PDE4D: variants seen among roughly 807,000 people sequenced by gnomAD.
The protein encoded by PDE4D is 3',5'-cyclic-AMP phosphodiesterase 4D.
In PDE4D, 24 loss-of-function variants were observed where a neutral mutation model predicts 87.4. The ratio of observed to expected loss-of-function variants is 0.27; its 90% CI spans 0.20 to 0.39. The LOEUF is 0.39. PDE4D is among the 10% of genes least tolerant of loss of function. The probability of loss-of-function intolerance (pLI) is 1.00; values close to 1 mark genes in which losing one functional copy is unlikely to be tolerated. For synonymous variants in PDE4D, 384 were observed against 383.2 expected (o/e 1.00, Z -0.02); for missense variants, 714 against 1,041.0 (o/e 0.69, Z 4.32).
intron 1 of PDE4D, among the ~76,000 whole-genome samples, chr5:59,346,410 A>G (rs1256751300): frequency 1.3e-5 from 2 of 152,128 alleles, no homozygotes; most frequent in Non-Finnish European, 2.9e-5. Context: ...TTTAACCAAC[A>G]TGAGGAAGGC....
chr5:60,116,154 C>A (rs370330509), intron 2 of PDE4D, among the ~76,000 whole-genome samples: 37 of 151,570 alleles, frequency 2.4e-4, no homozygotes, highest in African/African-American at 9.0e-4. Context: ...TAATTCAAGT[C>A]TATGGGAGGG....
At chr5:59,025,237 T>C (rs1755985437) in intron 6 of PDE4D, among the ~76,000 whole-genome samples, 1 of 152,188 alleles carries the variant, frequency 6.6e-6, no homozygotes, top group Non-Finnish European at 1.5e-5. Flanking sequence ...TTGAAATTTA[T>C]TGTCTTCCTA....
chr5:60,188,601 G>A (rs189439031), intron 1 of PDE4D, among the ~76,000 whole-genome samples: 1 of 152,148 alleles, frequency 6.6e-6, no homozygotes, highest in Admixed American at 6.5e-5. Flanking sequence ...GGAGAGTGGA[G>A]ATGGAGGGGA....
intron 1 of PDE4D, among the ~76,000 whole-genome samples, chr5:60,413,728 T>TTTTTG: frequency 6.6e-6 from 1 of 151,768 alleles, no homozygotes; most frequent in Non-Finnish European, 1.5e-5. Context: ...TTTTTTTTTT[T>TTTTTG]TGGAAAAACA....
intron 1 of PDE4D, among the ~76,000 whole-genome samples, chr5:59,349,855 T>C (rs1286208121): frequency 6.6e-6 from 1 of 152,104 alleles, no homozygotes; most frequent in East Asian, 1.9e-4. Flanking sequence ...ACCTTTATAT[T>C]TATTGCAGAG....
intron 3 of PDE4D, among the ~76,000 whole-genome samples, chr5:59,904,300 G>A (rs897608116): frequency 2.6e-5 from 4 of 151,926 alleles, no homozygotes; most frequent in African/African-American, 7.3e-5. Flanking sequence ...GGCTATTATG[G>A]AAACACATTG....
chr5:60,043,037 T>G (rs1768704939), intron 2 of PDE4D, among the ~76,000 whole-genome samples: 1 of 151,620 alleles, frequency 6.6e-6, no homozygotes, highest in African/African-American at 2.4e-5. Flanking sequence ...GCAGAGAAGC[T>G]AAGAACACTG....
At chr5:59,427,559 C>T (rs1582551468) in intron 1 of PDE4D, among the ~76,000 whole-genome samples, 1 of 152,026 alleles carries the variant, frequency 6.6e-6, no homozygotes, top group South Asian at 2.1e-4. Flanking sequence ...AAGGGCCAGG[C>T]TTGATTGCTC....
At chr5:59,799,855 A>C (rs1766914390) in intron 1 of PDE4D, among the ~76,000 whole-genome samples, 1 of 152,228 alleles carries the variant, frequency 6.6e-6, no homozygotes, top group Admixed American at 6.5e-5. Context: ...TTCGAGATAC[A>C]AATCTTCAAT....
chr5:59,617,683 A>G (rs1297047966), intron 1 of PDE4D, among the ~76,000 whole-genome samples: 1 of 152,222 alleles, frequency 6.6e-6, no homozygotes, highest in African/African-American at 2.4e-5. Context: ...CAGAAGCTAC[A>G]AGAGAGAACT....
intron 1 of PDE4D, among the ~76,000 whole-genome samples, chr5:59,856,102 T>C (rs1745392252): frequency 6.6e-6 from 1 of 152,158 alleles, no homozygotes; most frequent in Admixed American, 6.5e-5. Context: ...TTCCTAGTAA[T>C]AGATAAGAAT....
rs141540657 is a variant in PDE4D, at chr5:59,357,469, C to T, written c.456-141501G>A. Among the ~76,000 whole-genome samples the T allele has an allele frequency of 1.1e-4, 17 of 152,144 alleles. No homozygotes were observed. In the South Asian group the frequency reaches 2.5e-3, roughly 22 times the overall value. On this transcript the variant is annotated intron_variant, in intron 1 of 14. Coordinates refer to ENST00000340635, the MANE Select transcript of PDE4D (RefSeq NM_001104631.2). ...CAGGATTTACTCGTCTTGAAAATAC[C>T]AGCGCCTCTCTAAAAGTCAGTGTGA...
chr5:60,126,193 A>C (rs1479310733), intron 2 of PDE4D, among the ~76,000 whole-genome samples: 1 of 148,678 alleles, frequency 6.7e-6, no homozygotes, highest in Non-Finnish European at 1.5e-5. Context: ...AGACATTTAG[A>C]GTTTTGCTAA....
chr5:60,236,205 C>T (rs1446436798), intron 1 of PDE4D, among the ~76,000 whole-genome samples: 2 of 151,802 alleles, frequency 1.3e-5, no homozygotes, highest in African/African-American at 2.4e-5. Context: ...TACAGAATGA[C>T]AACAAAAGCA....
At chr5:60,281,580 C>A (rs1265614063) in intron 1 of PDE4D, among the ~76,000 whole-genome samples, 5 of 151,936 alleles carry the variant, frequency 3.3e-5, no homozygotes, top group Admixed American at 1.3e-4. Flanking sequence ...ATGAAAGGAA[C>A]AAGAATTTAT....
intron 1 of PDE4D, among the ~76,000 whole-genome samples, chr5:60,342,373 C>A (rs1177345474): frequency 6.6e-6 from 1 of 152,136 alleles, no homozygotes; most frequent in African/African-American, 2.4e-5. Flanking sequence ...CGAGCTCAGT[C>A]CAGCAGCATG....
chr5:60,148,398 C>A (rs1175786119), intron 2 of PDE4D, among the ~76,000 whole-genome samples: 1 of 152,014 alleles, frequency 6.6e-6, no homozygotes, highest in African/African-American at 2.4e-5. Flanking sequence ...ATAGAATTTA[C>A]ATATTATTAG....
intron 2 of PDE4D, among the ~76,000 whole-genome samples, chr5:60,060,202 A>C (rs1359481534): frequency 2.0e-5 from 3 of 152,016 alleles, no homozygotes; most frequent in Non-Finnish European, 2.9e-5. Flanking sequence ...TCCATCCCCC[A>C]GTAGATATGC....
At chr5:60,355,062 C>T (rs1227711126) in intron 1 of PDE4D, among the ~76,000 whole-genome samples, 17 of 152,110 alleles carry the variant, frequency 1.1e-4, no homozygotes, top group Admixed American at 1.0e-3. Context: ...AATAAGTTTC[C>T]TGGAAGCTGT....
Sources: gnomAD v4.1 joint callset for allele counts (sites outside exome capture counted in the v4.1 genomes callset) on GRCh38, gnomAD v4.1.1 for gene constraint, MANE v1.5 for transcripts, NCBI Gene and HGNC (gene_info 2026-07-23, HGNC 2026-07-21) for gene names.